The following ZNF677 variants were observed in gnomAD, a reference collection of about 807,000 sequenced individuals.
The protein encoded by ZNF677 is hypothetical protein MGC48625.
ZNF677 carries 5 observed loss-of-function variants against 8.1 expected under a neutral mutation model. That is an observed-to-expected ratio of 0.62 (90% CI 0.32 to 1.29). ZNF677 has a LOEUF of 1.29. Ranked by LOEUF, ZNF677 falls within the 50% of genes most tolerant of loss-of-function variation. The pLI, the probability that ZNF677 is intolerant of heterozygous loss-of-function variation, is 0.05. For missense variants in ZNF677, 685 were observed against 685.9 expected (o/e 1.00, Z 0.01); for synonymous variants, 221 against 225.6 (o/e 0.98, Z 0.18).
intron 3 of ZNF677, among the ~76,000 whole-genome samples, chr19:53,247,279 T>A (rs2091159619): frequency 6.6e-6 from 1 of 152,094 alleles, no homozygotes; most frequent in African/African-American, 2.4e-5. Flanking sequence ...TGGTGTAGTT[T>A]ACAGCAGCAG....
At chr19:53,249,031 T>C (rs2146963287) in intron 3 of ZNF677, 1 of 152,362 alleles carries the variant, frequency 6.6e-6, no homozygotes, top group African/African-American at 2.4e-5. Context: ...AAAGTTTAGG[T>C]TAGCTGATTC....
chr19:53,245,520 T>C (rs752685107), intron 3 of ZNF677, among the ~76,000 whole-genome samples: 4 of 152,010 alleles, frequency 2.6e-5, no homozygotes, highest in Non-Finnish European at 4.4e-5. Flanking sequence ...ATTAGGTACA[T>C]GAAAAGGTGC....
At chr19:53,243,284 T>A (rs1347309346) in intron 4 of ZNF677, 1 of 177,818 alleles carries the variant, frequency 5.6e-6, no homozygotes, top group Non-Finnish European at 1.2e-5. Flanking sequence ...CATGGTATGC[T>A]GTGCTTTTCC....
At chr19:53,254,200 C>T (rs1014311065) in intron 1 of ZNF677, among the ~76,000 whole-genome samples, 7 of 150,584 alleles carry the variant, frequency 4.6e-5, no homozygotes, top group African/African-American at 1.7e-4. Flanking sequence ...GATTTGGGTG[C>T]CCCCCCCTTT....
At chr19:53,251,506 A>G (rs2091232963) in intron 3 of ZNF677, 30 bp downstream of exon 3, 2 of 1,600,682 alleles carry the variant, frequency 1.2e-6, no homozygotes, top group Admixed American at 3.3e-5. Flanking sequence ...AGGAGAGGAC[A>G]AAACAGTGAA....
chr19:53,239,653 G>C (rs563884037), intron 4 of ZNF677: 4 of 147,386 alleles, frequency 2.7e-5, no homozygotes, highest in African/African-American at 1.0e-4. Flanking sequence ...TGAAGGCAAA[G>C]GTCAATCTCA....
At position 53,236,993 on chromosome 19, in the gene ZNF677, A is replaced by G. The variant is rs373324147; in HGVS notation, c.1734T>C (p.Ile578=). The change falls in exon 5 of 5, where the codon ATT becomes ATC. Residue 578 remains isoleucine, a synonymous_variant. Transcript: ENST00000598513. ...EKHIKYNETK[I]KYSSCT is the part of the protein sequence containing the mutation. Reference sequence around the variant, plus strand: ...GATGCTAGGTACAGCTTGAATACTTAATTTTTGTCTCATTATATTTGATAT... The same window carrying G: ...GATGCTAGGTACAGCTTGAATACTTGATTTTTGTCTCATTATATTTGATAT... 129 of 1,566,924 alleles carry G rather than the reference A, an allele frequency of 8.2e-5. No homozygotes were observed. The highest frequency in any genetic ancestry group is 1.0e-4 in the Non-Finnish European group (119 of 1,162,340).
intron 3 of ZNF677, among the ~76,000 whole-genome samples, chr19:53,247,670 A>G (rs763937657): frequency 1.3e-5 from 2 of 152,174 alleles, no homozygotes; most frequent in Non-Finnish European, 2.9e-5. Context: ...TATTTGATCC[A>G]TATTTTTTAT....
chr19:53,246,782 T>C (rs2091150260), intron 3 of ZNF677, among the ~76,000 whole-genome samples: 1 of 152,206 alleles, frequency 6.6e-6, no homozygotes, highest in African/African-American at 2.4e-5. Context: ...TGAAAAAGTC[T>C]TAGAGATCTC....
intron 3 of ZNF677, among the ~76,000 whole-genome samples, chr19:53,247,653 G>T (rs1485585413): frequency 1.3e-5 from 2 of 152,136 alleles, no homozygotes; most frequent in Non-Finnish European, 2.9e-5. Flanking sequence ...AATATTTGGG[G>T]TGTTGATATT....
At chr19:53,242,548 C>A (rs530980531) in intron 4 of ZNF677, 1 of 396,352 alleles carries the variant, frequency 2.5e-6, no homozygotes, top group East Asian at 3.6e-5. Flanking sequence ...CCTGCCCATT[C>A]CCCTTTAGAC....
chr19:53,241,638 A>G (rs1277341581), intron 4 of ZNF677: 2 of 385,260 alleles, frequency 5.2e-6, no homozygotes, highest in East Asian at 3.7e-5. Flanking sequence ...CTTGGGAGAC[A>G]CTGGAAACTC....
intron 1 of ZNF677, among the ~76,000 whole-genome samples, 197 bp from the exon 2 acceptor site, chr19:53,253,353 C>G (rs557010126): frequency 4.2e-4 from 64 of 152,298 alleles, no homozygotes; most frequent in African/African-American, 1.5e-3. Context: ...ACTGTGAAAT[C>G]AAGTACCAGA....
intron 3 of ZNF677, 89 bp from the exon 4 acceptor site, chr19:53,243,986 G>A: frequency 7.9e-7 from 1 of 1,272,190 alleles, no homozygotes; most frequent in Non-Finnish European, 1.1e-6. Flanking sequence ...CATATTCACT[G>A]ATTTATGTGA....
Position 53,250,405 on chromosome 19 carries a change from T to C in ZNF677, c.15+1131A>G, listed in dbSNP as rs541922075. ...ATGTTCACTGCAGCACTAGTCACAA[T>C]AGCGAAGACATGGAATCAACCTAAA... On this transcript the variant is annotated intron_variant, in intron 3 of 4. Transcript: ENST00000598513. Among the ~76,000 whole-genome samples, 4 of 152,224 alleles carry C rather than the reference T, an allele frequency of 2.6e-5. No homozygotes were observed. The South Asian group carries it at 8.3e-4, about 32-fold the overall frequency.
rs751737756 is a variant in ZNF677, at chr19:53,237,720, C to G, written c.1007G>C (p.Ser336Thr). 3.7e-6 allele frequency: 6 copies of G among 1,613,750 alleles called. No homozygotes were observed. The highest frequency in any genetic ancestry group is 1.3e-5 in the African/African-American group (1 of 75,048). The change falls in exon 5 of 5, where the codon AGT becomes ACT. Residue 336 changes from serine (S) to threonine (T), a missense_variant. Physicochemically the swap from Ser to Thr is moderately conservative, Grantham distance 58. Coordinates refer to ENST00000598513, the MANE Select transcript of ZNF677 (RefSeq NM_182609.4). Reference sequence around the variant, plus strand: ...CTCTCCAGTATGCATCCTCTGATGACTTGCAAGATTTGAATTTTGACTACA... The same window carrying G: ...CTCTCCAGTATGCATCCTCTGATGAGTTGCAAGATTTGAATTTTGACTACA... ...KVCSQNSNLA[S>T]HQRMHTGEKP...
At chr19:53,249,521 C>T (rs1308498624) in intron 3 of ZNF677, 1 of 152,194 alleles carries the variant, frequency 6.6e-6, no homozygotes, top group African/African-American at 2.4e-5. Context: ...TACAAATATA[C>T]AATTTTGCAA....
intron 1 of ZNF677, among the ~76,000 whole-genome samples, chr19:53,254,222 T>C (rs1033551171): frequency 6.6e-6 from 1 of 151,324 alleles, no homozygotes; most frequent in Non-Finnish European, 1.5e-5. Context: ...TCCACCATTA[T>C]GTGATTTTTT....
At chr19:53,245,280 G>C (rs766092672) in intron 3 of ZNF677, among the ~76,000 whole-genome samples, 10 of 152,066 alleles carry the variant, frequency 6.6e-5, no homozygotes, top group Non-Finnish European at 1.0e-4. Context: ...AGACCAGTGG[G>C]ACTACATCAA....
Sources: gnomAD v4.1 joint callset for allele counts (sites outside exome capture counted in the v4.1 genomes callset) on GRCh38, gnomAD v4.1.1 for gene constraint, MANE v1.5 for transcripts, NCBI Gene and HGNC (gene_info 2026-07-23, HGNC 2026-07-21) for gene names.